The following AUTS2 variants were observed in gnomAD, a reference collection of about 807,000 sequenced individuals.
AUTS2 encodes activator of transcription and developmental regulator AUTS2.
A neutral mutation model predicts 112.4 loss-of-function variants in AUTS2; 17 were observed. The observed-to-expected ratio is 0.15, with a 90% CI of 0.10 to 0.23. The LOEUF (loss-of-function observed/expected upper bound fraction) is 0.23. Among genes scored for constraint, AUTS2 ranks in the 10% least tolerant of loss-of-function variants. The pLI is 1.00. For synonymous variants in AUTS2, 751 were observed against 702.7 expected (o/e 1.07, Z -1.09); for missense variants, 1,510 against 1,701.6 (o/e 0.89, Z 1.98).
intron 5 of AUTS2, among the ~76,000 whole-genome samples, chr7:70,662,950 C>T (rs1807145378): frequency 6.6e-6 from 1 of 152,324 alleles, no homozygotes; most frequent in East Asian, 1.9e-4. Flanking sequence ...GCTCTTATTA[C>T]TTGCTATTCA....
At chr7:70,313,807 A>G (rs1789868188) in intron 4 of AUTS2, among the ~76,000 whole-genome samples, 1 of 152,218 alleles carries the variant, frequency 6.6e-6, no homozygotes, top group South Asian at 2.1e-4. Context: ...GAACCAGGGC[A>G]TGGCATGGAA....
chr7:70,018,674 A>G (rs892469926), intron 2 of AUTS2, among the ~76,000 whole-genome samples: 1 of 152,232 alleles, frequency 6.6e-6, no homozygotes. Flanking sequence ...TTATAAGCTA[A>G]TGTAAAAGGA....
intron 4 of AUTS2, among the ~76,000 whole-genome samples, chr7:70,186,757 A>G (rs1333257940): frequency 6.6e-6 from 1 of 152,070 alleles, no homozygotes; most frequent in Non-Finnish European, 1.5e-5. Context: ...TTTAGTAGAG[A>G]TGAGGTTTCA....
intron 4 of AUTS2, among the ~76,000 whole-genome samples, chr7:70,248,180 T>A (rs1813026333): frequency 6.6e-6 from 1 of 152,220 alleles, no homozygotes; most frequent in Non-Finnish European, 1.5e-5. Flanking sequence ...GTAGTGTTTT[T>A]CTCAAATCAT....
At chr7:70,019,244 A>G (rs953172165) in intron 2 of AUTS2, among the ~76,000 whole-genome samples, 5 of 152,176 alleles carry the variant, frequency 3.3e-5, no homozygotes, top group African/African-American at 1.2e-4. Context: ...GGGGAACAAT[A>G]CACACTGGGG....
chr7:69,603,276 T>C (rs760189703), intron 1 of AUTS2, among the ~76,000 whole-genome samples: 27 of 152,198 alleles, frequency 1.8e-4, no homozygotes, highest in Non-Finnish European at 3.2e-4. Flanking sequence ...AATGGACACA[T>C]TATTTGACTC....
intron 4 of AUTS2, among the ~76,000 whole-genome samples, chr7:70,243,832 G>T (rs1584924374): frequency 6.6e-6 from 1 of 151,988 alleles, no homozygotes; most frequent in Admixed American, 6.6e-5. Context: ...GAAGCTTATT[G>T]ATGTGCTTTG....
chr7:70,053,799 C>T (rs138286911), intron 2 of AUTS2, among the ~76,000 whole-genome samples: 1 of 152,192 alleles, frequency 6.6e-6, no homozygotes, highest in East Asian at 1.9e-4. Flanking sequence ...GTCTTGGCCT[C>T]CCAAAGTGCT....
At chr7:70,372,779 T>C (rs1792897888) in intron 4 of AUTS2, among the ~76,000 whole-genome samples, 1 of 151,942 alleles carries the variant, frequency 6.6e-6, no homozygotes, top group African/African-American at 2.4e-5. Context: ...TAACTTCCAC[T>C]TTGAGAGTTT....
At chr7:69,748,972 G>A (rs1042954540) in intron 1 of AUTS2, among the ~76,000 whole-genome samples, 1 of 152,172 alleles carries the variant, frequency 6.6e-6, no homozygotes, top group Non-Finnish European at 1.5e-5. Flanking sequence ...AGGTAGTGGG[G>A]TGAGGTAGAA....
chr7:70,561,497 G>A lies in AUTS2; in HGVS notation c.690+125716G>A, dbSNP rs565399411. ...TTTAATTAGCCTGGCATAGTGGCAC[G>A]CACCTGTAGTCCCAGCTACTCAGGA... On this transcript the variant is annotated intron_variant, in intron 5 of 18. Transcript: ENST00000342771. 4.6e-5 allele frequency among the ~76,000 whole-genome samples: 7 copies of A among 152,182 alleles called. No individual in the cohort carries two copies. The South Asian group carries it at 8.3e-4, about 18-fold the overall frequency.
At chr7:69,871,382 T>G (rs1444809881) in intron 1 of AUTS2, among the ~76,000 whole-genome samples, 1 of 152,162 alleles carries the variant, frequency 6.6e-6, no homozygotes, top group Non-Finnish European at 1.5e-5. Flanking sequence ...TAGTCCCCCC[T>G]TTATCCATGG....
intron 6 of AUTS2, among the ~76,000 whole-genome samples, chr7:70,750,471 TCCCA>T (rs1788744778): frequency 2.5e-5 from 2 of 80,296 alleles, no homozygotes; most frequent in Admixed American, 2.5e-4. Context: ...CAGGTGTTCC[TCCCA>T]CCTCACCCTC....
At chr7:70,463,370 T>C (rs1361705270) in intron 5 of AUTS2, among the ~76,000 whole-genome samples, 2 of 152,228 alleles carry the variant, frequency 1.3e-5, no homozygotes, top group South Asian at 2.1e-4. Context: ...GTCTTCCCAT[T>C]TGACATTCTG....
intron 6 of AUTS2, among the ~76,000 whole-genome samples, chr7:70,718,247 T>C (rs1039424912): frequency 2.6e-5 from 4 of 152,164 alleles, no homozygotes; most frequent in African/African-American, 4.8e-5. Context: ...GCTTTCTGCC[T>C]CCTTCCCCGG....
intron 4 of AUTS2, among the ~76,000 whole-genome samples, chr7:70,376,850 A>T (rs2129631429): frequency 6.6e-6 from 1 of 151,460 alleles, no homozygotes; most frequent in African/African-American, 2.4e-5. Flanking sequence ...TCAGTCACTA[A>T]GTGTCTTTGG....
intron 14 of AUTS2, among the ~76,000 whole-genome samples, chr7:70,780,060 G>GGT (rs1444208489): frequency 6.6e-6 from 1 of 151,938 alleles, no homozygotes; most frequent in Non-Finnish European, 1.5e-5. Flanking sequence ...GTCAGAAGCA[G>GGT]GTACTAAGGG....
intron 4 of AUTS2, among the ~76,000 whole-genome samples, chr7:70,274,807 G>C (rs967196656): frequency 6.6e-6 from 1 of 152,086 alleles, no homozygotes; most frequent in Non-Finnish European, 1.5e-5. Context: ...GATCAAAAAT[G>C]TATCCTTTTG....
At chr7:70,588,216 A>G (rs1802773128) in intron 5 of AUTS2, among the ~76,000 whole-genome samples, 1 of 152,228 alleles carries the variant, frequency 6.6e-6, no homozygotes, top group Non-Finnish European at 1.5e-5. Flanking sequence ...TCTCTCGAGC[A>G]AAGAAAGAAA....
Sources: allele counts gnomAD v4.1 joint callset (sites outside exome capture counted in the v4.1 genomes callset), GRCh38; gene constraint gnomAD v4.1.1; transcripts MANE v1.5; gene names NCBI Gene and HGNC (gene_info 2026-07-23, HGNC 2026-07-21).